CMIP: variants seen among roughly 807,000 people sequenced by gnomAD.
The protein encoded by CMIP is c-Maf inducing protein, also known as C-Maf-inducing protein.
Under a neutral mutation model 97.3 loss-of-function variants are expected in CMIP, and 13 were observed. That is an observed-to-expected ratio of 0.13 (90% CI 0.09 to 0.21). CMIP has a LOEUF of 0.21. CMIP is among the 10% of genes least tolerant of loss of function. CMIP has a pLI of 1.00. For missense variants in CMIP, 847 were observed against 1,024.9 expected (o/e 0.83, Z 2.37); for synonymous variants, 538 against 436.3 (o/e 1.23, Z -2.91).
chr16:81,669,984 C>T (rs999836181), intron 7 of CMIP, among the ~76,000 whole-genome samples, 158 bp from the exon 8 acceptor site: 20 of 152,194 alleles, frequency 1.3e-4, no homozygotes, highest in African/African-American at 4.6e-4. Context: ...AAGTAGACGC[C>T]ACCTGTGCTT....
At chr16:81,708,636 G>T (rs138613065) in intron 20 of CMIP, among the ~76,000 whole-genome samples, 1 of 152,342 alleles carries the variant, frequency 6.6e-6, no homozygotes, top group Non-Finnish European at 1.5e-5. Context: ...TGGAGGAGGG[G>T]CCTCTGCTCA....
chr16:81,478,987 C>T (rs1243901408), intron 1 of CMIP, among the ~76,000 whole-genome samples: 1 of 152,196 alleles, frequency 6.6e-6, no homozygotes, highest in Non-Finnish European at 1.5e-5. Context: ...CACCTGCCAC[C>T]TTTAAGTCTG....
chr16:81,651,645 G>A (rs2092430024), intron 3 of CMIP, among the ~76,000 whole-genome samples: 1 of 152,198 alleles, frequency 6.6e-6, no homozygotes, highest in Non-Finnish European at 1.5e-5. Flanking sequence ...CCCCTTTGTG[G>A]ACTGACCATT....
chr16:81,482,243 C>T (rs1192950881), intron 1 of CMIP, among the ~76,000 whole-genome samples: 2 of 152,280 alleles, frequency 1.3e-5, no homozygotes, highest in African/African-American at 2.4e-5. Flanking sequence ...GGGCACCTTC[C>T]GTCTCAAGAT....
intron 10 of CMIP, among the ~76,000 whole-genome samples, chr16:81,689,843 G>C (rs1282100808): frequency 2.0e-5 from 3 of 152,192 alleles, no homozygotes; most frequent in Non-Finnish European, 2.9e-5. Flanking sequence ...AAGGTGTAAG[G>C]AAGGGATCCA....
chr16:81,636,426 T>C (rs1392331937), intron 3 of CMIP, among the ~76,000 whole-genome samples: 1 of 151,678 alleles, frequency 6.6e-6, no homozygotes, highest in East Asian at 1.9e-4. Context: ...CTACTAATAA[T>C]ACAAATTAGC....
chr16:81,607,801 T>A, intron 2 of CMIP, 109 bp downstream of exon 2: 1 of 1,221,478 alleles, frequency 8.2e-7, no homozygotes, highest in Non-Finnish European at 1.1e-6. Flanking sequence ...AAAGGTTGTT[T>A]AACTTTGGGT....
intron 1 of CMIP, among the ~76,000 whole-genome samples, chr16:81,542,824 C>G (rs1196444858): frequency 6.6e-6 from 1 of 152,242 alleles, no homozygotes. Context: ...CCCACCTCCA[C>G]ATACCATCAC....
intron 6 of CMIP, 53 bp from the exon 7 acceptor site, chr16:81,664,216 T>C: frequency 6.6e-7 from 1 of 1,522,830 alleles, no homozygotes; most frequent in Non-Finnish European, 8.9e-7. Flanking sequence ...AGCCACGGGC[T>C]GTGTTCAGAA....
intron 1 of CMIP, among the ~76,000 whole-genome samples, chr16:81,490,870 GC>G (rs1182315024): frequency 6.6e-6 from 1 of 152,202 alleles, no homozygotes; most frequent in Non-Finnish European, 1.5e-5. Flanking sequence ...TTGAGATGGG[GC>G]AGGCATCGAA....
intron 1 of CMIP, among the ~76,000 whole-genome samples, chr16:81,582,674 G>A (rs529266357): frequency 2.2e-4 from 34 of 152,256 alleles, no homozygotes; most frequent in African/African-American, 7.7e-4. Context: ...CTAACTCTTT[G>A]GTTGCATTCC....
intron 10 of CMIP, among the ~76,000 whole-genome samples, chr16:81,685,822 C>T (rs760158650): frequency 6.6e-6 from 1 of 152,092 alleles, no homozygotes; most frequent in Non-Finnish European, 1.5e-5. Context: ...CCTCAGCCTC[C>T]CAAAGTGCTG....
intron 1 of CMIP, among the ~76,000 whole-genome samples, chr16:81,448,365 C>G (rs569930696): frequency 9.2e-5 from 14 of 152,372 alleles, no homozygotes; most frequent in African/African-American, 3.1e-4. Context: ...ATCCAATTAA[C>G]CGAATCTGAG....
chr16:81,646,266 GGATGGAT>G, intron 3 of CMIP, among the ~76,000 whole-genome samples: 1 of 150,672 alleles, frequency 6.6e-6, no homozygotes. Context: ...ATGGATGGAT[GGATGGAT>G]GGATGGGTGG....
chr16:81,678,725 G>T, intron 10 of CMIP, 97 bp downstream of exon 10: 1 of 632,266 alleles, frequency 1.6e-6, no homozygotes, highest in Non-Finnish European at 2.8e-6. Flanking sequence ...GAGCTACGCA[G>T]GGCCGGGCAT....
At chr16:81,671,695 G>A (rs1441787719) in intron 8 of CMIP, among the ~76,000 whole-genome samples, 2 of 152,220 alleles carry the variant, frequency 1.3e-5, no homozygotes, top group Non-Finnish European at 2.9e-5. Context: ...GAGTTTAGGA[G>A]GTTTCCAAGG....
intron 18 of CMIP, among the ~76,000 whole-genome samples, chr16:81,705,149 C>A (rs1044588194): frequency 6.6e-6 from 1 of 152,200 alleles, no homozygotes; most frequent in Non-Finnish European, 1.5e-5. Context: ...AGCCTGCCCC[C>A]GGCCCAGCCC....
At chr16:81,466,246 A>G (rs1036318693) in intron 1 of CMIP, among the ~76,000 whole-genome samples, 1 of 152,098 alleles carries the variant, frequency 6.6e-6, no homozygotes, top group Non-Finnish European at 1.5e-5. Context: ...TTTTTTGTAG[A>G]GATGGGGTTT....
intron 1 of CMIP, among the ~76,000 whole-genome samples, chr16:81,525,240 T>A (rs2090108335): frequency 6.6e-6 from 1 of 152,154 alleles, no homozygotes. Context: ...ATCTCCCAGG[T>A]TGAAGCGATT....
Sources: allele counts gnomAD v4.1 joint callset (sites outside exome capture counted in the v4.1 genomes callset), GRCh38; gene constraint gnomAD v4.1.1; transcripts MANE v1.5; gene names NCBI Gene and HGNC (gene_info 2026-07-23, HGNC 2026-07-21).